The following MGA variants were observed in gnomAD, a reference collection of about 807,000 sequenced individuals.
MGA encodes MAX dimerization protein MGA.
MGA carries 40 observed loss-of-function variants against 261.1 expected under a neutral mutation model. The observed-to-expected ratio is 0.15, with a 90% CI of 0.12 to 0.20. The LOEUF is 0.20. Among genes scored for constraint, MGA ranks in the 10% least tolerant of loss-of-function variants. The probability of loss-of-function intolerance (pLI) is 1.00; values close to 1 mark genes in which losing one functional copy is unlikely to be tolerated. For missense variants in MGA, 3,397 were observed against 3,630.5 expected (o/e 0.94, Z 1.65); for synonymous variants, 1,302 against 1,290.6 (o/e 1.01, Z -0.19).
rs192994026 is a variant in MGA at position 41,693,949 on chromosome 15, T to G, written c.1065-2126T>G. On this transcript the variant is annotated intron_variant, in intron 2 of 23. Transcript: ENST00000219905. Reference sequence around the variant, plus strand: ...TTTTCTTGTGATTTTGCCCCTCAAATCACTGCCTTGCAGTGATTTCTGCAA... The same window carrying G: ...TTTTCTTGTGATTTTGCCCCTCAAAGCACTGCCTTGCAGTGATTTCTGCAA... Among the ~76,000 whole-genome samples the G allele has an allele frequency of 5.8e-4, 88 of 152,280 alleles. 1 individual carries two copies. Among genetic ancestry groups the G allele is most frequent in the African/African-American group, 2.0e-3 (84 of 41,546 alleles).
chr15:41,651,607 CT>C, intron 1 of MGA, among the ~76,000 whole-genome samples: 1 of 147,650 alleles, frequency 6.8e-6, no homozygotes, highest in East Asian at 2.0e-4. Context: ...CTTCCTTTCC[CT>C]TTTCCCCTCT....
intron 10 of MGA, 40 bp downstream of exon 10, chr15:41,727,446 G>A: frequency 6.4e-7 from 1 of 1,568,034 alleles, no homozygotes. Context: ...AGTTACCAAA[G>A]TCATGTGTAA....
chr15:41,766,386 G>A lies in MGA; in HGVS notation c.8304G>A (p.Val2768=). ...AGAGTGAATCAAGAGGGGAGAGAGT[G>A]AAGTCAAAGGATTCTTCATTTCATA... is the stretch of plus-strand genomic sequence containing the variant. Residue 2768 remains valine (V), a synonymous_variant, in exon 24 of 24, where the codon GTG becomes GTA. Coordinates refer to ENST00000219905, the MANE Select transcript of MGA (RefSeq NM_001164273.2). 1 of 1,613,852 alleles carries A rather than the reference G, an allele frequency of 6.2e-7. No individual in the cohort carries two copies. Among genetic ancestry groups the A allele is most frequent in the Non-Finnish European group, 8.5e-7 (1 of 1,179,816 alleles).
intron 8 of MGA, among the ~76,000 whole-genome samples, 199 bp from the exon 9 acceptor site, chr15:41,712,952 T>A (rs891361879): frequency 6.6e-6 from 1 of 152,238 alleles, no homozygotes; most frequent in African/African-American, 2.4e-5. Context: ...GTTTTGCCCA[T>A]AATTGTCTGT....
At chr15:41,651,928 T>C (rs1595573600) in intron 1 of MGA, among the ~76,000 whole-genome samples, 6 of 47,806 alleles carry the variant, frequency 1.3e-4, no homozygotes, top group African/African-American at 1.7e-4. Flanking sequence ...CTCCTTCCTC[T>C]CCCTCCCCCC....
intron 17 of MGA, chr15:41,750,978 G>A (rs997806804): frequency 2.3e-5 from 4 of 171,534 alleles, no homozygotes; most frequent in African/African-American, 9.6e-5. Flanking sequence ...TCTGGTAGAT[G>A]TTAATCAGAA....
chr15:41,707,692 T>C (rs1267362441), intron 5 of MGA, 36 bp from the exon 6 acceptor site: 7 of 1,554,012 alleles, frequency 4.5e-6, no homozygotes, highest in Non-Finnish European at 6.1e-6. Context: ...GATTTCTGAT[T>C]AATCTATGGA....
chr15:41,649,335 T>C (rs980920548), intron 1 of MGA, among the ~76,000 whole-genome samples: 12 of 147,550 alleles, frequency 8.1e-5, no homozygotes, highest in African/African-American at 3.0e-4. Context: ...TGAGCTGAGA[T>C]CATGCCACTG....
chr15:41,656,362 C>CTCTCTCTCTCT (rs2057186947), upstream of MGA, among the ~76,000 whole-genome samples: 2 of 136,926 alleles, frequency 1.5e-5, no homozygotes, highest in Non-Finnish European at 3.3e-5. Flanking sequence ...CTCTCTCTCT[C>CTCTCTCTCTCT]TCTCTCTCTC....
intron 13 of MGA, among the ~76,000 whole-genome samples, chr15:41,738,401 G>T (rs1232480232): frequency 6.6e-6 from 1 of 152,120 alleles, no homozygotes; most frequent in African/African-American, 2.4e-5. Context: ...TCTCAAAAGA[G>T]AAAATAATAT....
chr15:41,683,123 C>T lies in MGA; in HGVS notation c.1065-12952C>T, dbSNP rs373972709. On this transcript the variant is annotated intron_variant, in intron 2 of 23. Transcript: ENST00000219905. The stretch of plus-strand genomic sequence containing the variant: ...TTTGCTCTGGTGATTTGAATGTAAC[C>T]TTGCCCCCTTCTGCTTTCAGAACCT... Among the ~76,000 whole-genome samples, 5 of 152,316 alleles carry T rather than the reference C, an allele frequency of 3.3e-5. No individual in the cohort carries two copies. In the South Asian group the frequency reaches 1.0e-3, roughly 32 times the overall value.
Position 41,693,621 on chromosome 15 carries a change from G to A in MGA, c.1065-2454G>A, listed in dbSNP as rs2059405092. Among the ~76,000 whole-genome samples the A allele has an allele frequency of 7.9e-5, 12 of 152,236 alleles. No homozygotes were observed. The South Asian group carries it at 2.5e-3, about 32-fold the overall frequency. On this transcript the variant is annotated intron_variant, in intron 2 of 23. Transcript: ENST00000219905. Reference sequence around the variant, plus strand: ...AGTACTTCATTAATGATGGCTTGGTGTTGAAAATGTATTTTATTGGACTGA... The same window carrying A: ...AGTACTTCATTAATGATGGCTTGGTATTGAAAATGTATTTTATTGGACTGA...
intron 13 of MGA, among the ~76,000 whole-genome samples, chr15:41,739,247 C>T (rs1442483477): frequency 6.6e-6 from 1 of 152,144 alleles, no homozygotes; most frequent in Non-Finnish European, 1.5e-5. Context: ...GGTTCACTTT[C>T]TTCTGACTAT....
chr15:41,702,076 T>C (rs757286172), intron 5 of MGA, among the ~76,000 whole-genome samples: 7 of 152,058 alleles, frequency 4.6e-5, no homozygotes, highest in African/African-American at 7.2e-5. Flanking sequence ...TCCCAGCACT[T>C]TGAGAGGCCA....
chr15:41,752,031 T>C (rs2062862897), intron 17 of MGA: 1 of 152,186 alleles, frequency 6.6e-6, no homozygotes, highest in Non-Finnish European at 1.5e-5. Context: ...AAATCTAAAA[T>C]GTTGAAATAT....
chr15:41,631,354 G>A (rs2056584424), intron 1 of MGA, among the ~76,000 whole-genome samples: 1 of 152,034 alleles, frequency 6.6e-6, no homozygotes, highest in Non-Finnish European at 1.5e-5. Flanking sequence ...TCACAATGTT[G>A]CATCCAAGCA....
In MGA at chr15:41,768,995, G is replaced by A. The variant is rs1321539920; in HGVS notation, c.*1715G>A. 2 of 152,578 alleles carry A rather than the reference G, an allele frequency of 1.3e-5. No individual in the cohort carries two copies. The highest frequency in any genetic ancestry group is 2.4e-5 in the African/African-American group (1 of 41,444). The allele number at this position is 152,578 out of a possible 1,614,324, so 9.5% of individuals were successfully genotyped here. On this transcript the variant is annotated 3_prime_UTR_variant, in exon 24 of 24. Coordinates refer to ENST00000219905, the MANE Select transcript of MGA (RefSeq NM_001164273.2). Reference sequence around the variant, plus strand: ...CTTCCCTCCTCTAAAGGTTACTAAAGAAGCCTGAAGTAGGTAAAGAGTGCT... The same window carrying A: ...CTTCCCTCCTCTAAAGGTTACTAAAAAAGCCTGAAGTAGGTAAAGAGTGCT...
At chr15:41,742,122 C>T (rs2062145355) in intron 14 of MGA, among the ~76,000 whole-genome samples, 1 of 151,588 alleles carries the variant, frequency 6.6e-6, no homozygotes, top group South Asian at 2.1e-4. Flanking sequence ...TGTGGTGGCT[C>T]ACACCTGTAA....
chr15:41,701,515 A>C (rs932272200), intron 5 of MGA, among the ~76,000 whole-genome samples: 2 of 152,180 alleles, frequency 1.3e-5, no homozygotes, highest in African/African-American at 4.8e-5. Context: ...TGTTTATGGA[A>C]ACTGACTAGG....
Sources: allele counts gnomAD v4.1 joint callset (sites outside exome capture counted in the v4.1 genomes callset), GRCh38; gene constraint gnomAD v4.1.1; transcripts MANE v1.5; gene names NCBI Gene and HGNC (gene_info 2026-07-23, HGNC 2026-07-21).